Variants in IL7R observed in about 807,000 individuals in gnomAD.
IL7R encodes the protein interleukin 7 receptor.
In IL7R, 38 loss-of-function variants were observed where a neutral mutation model predicts 47.0. That is an observed-to-expected ratio of 0.81 (90% CI 0.62 to 1.06). The LOEUF (loss-of-function observed/expected upper bound fraction) is 1.06. IL7R is among the 50% of genes least tolerant of loss of function. The pLI, the probability that IL7R is intolerant of heterozygous loss-of-function variation, is 0.00. For missense variants in IL7R, 633 were observed against 534.8 expected (o/e 1.18, Z -1.81); for synonymous variants, 221 against 199.8 (o/e 1.11, Z -0.89).
chr5:35,858,489 A>G (rs1759718957), intron 1 of IL7R, among the ~76,000 whole-genome samples: 6 of 152,196 alleles, frequency 3.9e-5, no homozygotes, highest in Admixed American at 3.9e-4. Flanking sequence ...TACATATTCC[A>G]CACAATTTAA....
intron 2 of IL7R, among the ~76,000 whole-genome samples, chr5:35,865,895 T>A (rs1034391140): frequency 8.5e-5 from 13 of 152,098 alleles, no homozygotes; most frequent in Non-Finnish European, 1.8e-4. Context: ...CAAATCAAAT[T>A]GTGTTTATTT....
chr5:35,876,511 TA>T lies in IL7R; in HGVS notation c.*26del, dbSNP rs1430431550. On this transcript the variant is annotated 3_prime_UTR_variant, in exon 8 of 8. Coordinates refer to ENST00000303115, the MANE Select transcript of IL7R (RefSeq NM_002185.5). ...AAGTGTAAGAAACCCAGACTGAACT[TA>T]CCGTGAGCGACAAAGATGATTTAAA... 5 of 1,599,530 alleles carry T rather than the reference TA, an allele frequency of 3.1e-6. No individual in the cohort carries two copies. Among genetic ancestry groups the T allele is most frequent in the Non-Finnish European group, 4.2e-6 (5 of 1,179,424 alleles).
At chr5:35,862,512 A>T (rs1176046752) in intron 2 of IL7R, among the ~76,000 whole-genome samples, 2 of 152,148 alleles carry the variant, frequency 1.3e-5, no homozygotes, top group African/African-American at 4.8e-5. Context: ...AATTGGATTC[A>T]GATATTTCAG....
chr5:35,873,268 C>T, intron 4 of IL7R: 2 of 603,524 alleles, frequency 3.3e-6, no homozygotes, highest in Non-Finnish European at 6.0e-6. Context: ...CACTCTCCTC[C>T]TTGACCACTC....
At chr5:35,873,770 T>A (rs1494554) in intron 5 of IL7R, 122 bp downstream of exon 5, 2 of 876,988 alleles carry the variant, frequency 2.3e-6, no homozygotes, top group Non-Finnish European at 3.9e-6. Flanking sequence ...GAGGGCACTC[T>A]TACACTTTCT....
Position 35,874,552 on chromosome 5 carries a change from T to C in IL7R, c.800+10T>C, listed in dbSNP as rs202114203. On this transcript the variant is annotated intron_variant, in intron 6 of 7. Transcript: ENST00000303115. ...TGTTATGGAAAAAAAGGTGACCTTCTTCAACTAATAAAGAGGGTGATTGTG... is the reference window on the plus strand; with the variant it reads ...TGTTATGGAAAAAAAGGTGACCTTCCTCAACTAATAAAGAGGGTGATTGTG... 3.9e-5 allele frequency: 62 copies of C among 1,578,224 alleles called. No homozygotes were observed. Among genetic ancestry groups the C allele is most frequent in the Middle Eastern group, 3.3e-4 (2 of 6,028 alleles).
intron 2 of IL7R, among the ~76,000 whole-genome samples, chr5:35,862,664 T>C (rs1759849247): frequency 6.6e-6 from 1 of 152,120 alleles, no homozygotes; most frequent in South Asian, 2.1e-4. Flanking sequence ...TCCTTGATTG[T>C]CCATTGCTCA....
intron 2 of IL7R, among the ~76,000 whole-genome samples, chr5:35,864,052 C>T (rs1383869779): frequency 2.6e-5 from 4 of 152,046 alleles, no homozygotes; most frequent in Non-Finnish European, 4.4e-5. Flanking sequence ...AATCTTCATA[C>T]CCCAGGAGCA....
At position 35,876,669 on chromosome 5, in the gene IL7R, G is replaced by C. The variant is rs1243058496; in HGVS notation, c.*183G>C. ...TCCTGAGTTCAGTGGCACTCAACAT[G>C]AGTCAAGAGCATCCTGCTTCTACCA... On this transcript the variant is annotated 3_prime_UTR_variant, in exon 8 of 8. Coordinates refer to ENST00000303115, the MANE Select transcript of IL7R (RefSeq NM_002185.5). The C allele has an allele frequency of 1.8e-5, 12 of 668,390 alleles. No individual in the cohort carries two copies. The highest frequency in any genetic ancestry group is 3.2e-5 in the Non-Finnish European group (12 of 378,700). The allele number at this position is 668,390 out of a possible 1,614,324, so 41.4% of individuals were successfully genotyped here.
At chr5:35,869,887 CT>C (rs957152884) in intron 3 of IL7R, among the ~76,000 whole-genome samples, 2 of 152,094 alleles carry the variant, frequency 1.3e-5, no homozygotes, top group African/African-American at 2.4e-5. Flanking sequence ...AAAGTCATTA[CT>C]TTTTTTTCAG....
Position 35,873,450 on chromosome 5 carries a change from C to T in IL7R, c.538-30C>T, listed in dbSNP as rs1165054639. On this transcript the variant is annotated intron_variant, in intron 4 of 7. Transcript: ENST00000303115. The stretch of plus-strand genomic sequence containing the variant: ...TTTAGGCAACACCTCTTTTCCCATC[C>T]TAAGAATGTAACTGCACTCTACTCT... 2.5e-6 allele frequency: 4 copies of T among 1,599,938 alleles called. No individual in the cohort carries two copies. In the South Asian group the frequency reaches 4.4e-5, roughly 18 times the overall value.
chr5:35,875,619 G>T (rs2149904860), intron 7 of IL7R, 32 bp downstream of exon 7: 1 of 1,469,346 alleles, frequency 6.8e-7, no homozygotes, highest in Non-Finnish European at 9.5e-7. Context: ...AAAGTGTTGT[G>T]TTGGCAACAT....
chr5:35,861,243 C>G (rs2149895923), intron 2 of IL7R, among the ~76,000 whole-genome samples: 1 of 152,244 alleles, frequency 6.6e-6, no homozygotes, highest in Non-Finnish European at 1.5e-5. Context: ...CCACATCCCT[C>G]CCAACTTCAT....
At chr5:35,862,698 G>A (rs1301951191) in intron 2 of IL7R, among the ~76,000 whole-genome samples, 2 of 151,942 alleles carry the variant, frequency 1.3e-5, no homozygotes, top group Non-Finnish European at 2.9e-5. Flanking sequence ...CAAAATCATG[G>A]GAATGAGCTG....
At position 35,873,516 on chromosome 5, in the gene IL7R, C is replaced by A; in HGVS notation, c.574C>A (p.Gln192Lys). ...ATCCAGCACAAAGCTGACACTCCTG[C>A]AGAGAAAGCTCCAACCGGCAGCAAT... ...NLSSTKLTLL[Q>K]RKLQPAAMYE... is the part of the protein sequence containing the mutation. Residue 192 changes from glutamine (Q) to lysine (K), a missense_variant, in exon 5 of 8, where the codon CAG becomes AAG. Coordinates refer to ENST00000303115, the MANE Select transcript of IL7R (RefSeq NM_002185.5). 6.2e-7 allele frequency: 1 copy of A among 1,614,036 alleles called. No individual in the cohort carries two copies. The highest frequency in any genetic ancestry group is 8.5e-7 in the Non-Finnish European group (1 of 1,179,902).
At chr5:35,860,182 G>A (rs1759765689) in intron 1 of IL7R, among the ~76,000 whole-genome samples, 1 of 152,218 alleles carries the variant, frequency 6.6e-6, no homozygotes, top group Admixed American at 6.5e-5. Context: ...AACATTCACA[G>A]GAAGTTTCAC....
Position 35,876,603 on chromosome 5 carries a change from A to G in IL7R, c.*117A>G. 1 of 1,052,130 alleles carries G rather than the reference A, an allele frequency of 9.5e-7. No individual in the cohort carries two copies. Among genetic ancestry groups the G allele is most frequent in the Non-Finnish European group, 1.4e-6 (1 of 700,392 alleles). The allele number at this position is 1,052,130 out of a possible 1,614,324, so 65.2% of individuals were successfully genotyped here. A position where few individuals can be genotyped will look rare whatever the true frequency, so the allele number is the denominator to read the frequency against. On this transcript the variant is annotated 3_prime_UTR_variant, in exon 8 of 8. Coordinates refer to ENST00000303115, the MANE Select transcript of IL7R (RefSeq NM_002185.5). ...AAGACAAAATTAGCAAAACCCCACT[A>G]CACAGTCTGCAAGATTCTGAAACAT...
At chr5:35,874,665 A>G in intron 6 of IL7R, 123 bp downstream of exon 6, 1 of 780,144 alleles carries the variant, frequency 1.3e-6, no homozygotes, top group East Asian at 2.5e-5. Flanking sequence ...TTTAGTGCCC[A>G]GTATCCCTAT....
At chr5:35,859,748 G>A (rs140646645) in intron 1 of IL7R, among the ~76,000 whole-genome samples, 296 of 152,226 alleles carry the variant, frequency 1.9e-3, no homozygotes, top group Non-Finnish European at 3.1e-3. Flanking sequence ...CTTGGTCTCT[G>A]GGACAATCAA....
Sources: allele counts gnomAD v4.1 joint callset (sites outside exome capture counted in the v4.1 genomes callset), GRCh38; gene constraint gnomAD v4.1.1; transcripts MANE v1.5; gene names NCBI Gene and HGNC (gene_info 2026-07-23, HGNC 2026-07-21).